Variants in SORCS1 observed in about 807,000 individuals in gnomAD.
SORCS1 encodes sortilin related VPS10 domain containing receptor 1.
In SORCS1, 60 loss-of-function variants were observed where a neutral mutation model predicts 146.1. That is an observed-to-expected ratio of 0.41 (90% CI 0.33 to 0.51). The LOEUF is 0.51. SORCS1 is among the 20% of genes least tolerant of loss of function. The pLI is 0.21. For synonymous variants in SORCS1, 637 were observed against 584.0 expected, an observed-to-expected ratio of 1.09 and a Z score of -1.31; for missense variants, 1,352 against 1,487.6, an observed-to-expected ratio of 0.91 and a Z score of 1.50.
At chr10:106,951,079 T>C (rs1230533230) in intron 2 of SORCS1, among the ~76,000 whole-genome samples, 1 of 152,166 alleles carries the variant, frequency 6.6e-6, no homozygotes, top group African/African-American at 2.4e-5. Context: ...CTATTTACAT[T>C]ATATCTGTCT....
the SORCS1 span, among the ~76,000 whole-genome samples, chr10:107,170,481 G>C: frequency 6.6e-6 from 1 of 152,216 alleles, no homozygotes; most frequent in Non-Finnish European, 1.5e-5. Context: ...GGTTATATTT[G>C]TCCCCTGTAA....
rs1451300438 is a variant in SORCS1 at position 106,953,152 on chromosome 10, T to C, written c.626+3361A>G. Among the ~76,000 whole-genome samples, 3 of 139,318 alleles carry C rather than the reference T, an allele frequency of 2.2e-5. No homozygotes were observed. The East Asian group carries it at 6.6e-4, about 30-fold the overall frequency. 91.4% of individuals were successfully genotyped at this position (139,318 alleles called of 152,430 possible). A position where few individuals can be genotyped will look rare whatever the true frequency, so the allele number is the denominator to read the frequency against. On this transcript the variant is annotated intron_variant, in intron 2 of 25. Transcript: ENST00000263054. ...TGTATCTGTGGGTATAGTGTGTGTG[T>C]GTGTGTGTGTGTGTGTGTGTGTGCA...
intron 9 of SORCS1, among the ~76,000 whole-genome samples, chr10:106,689,957 C>A (rs1465917524): frequency 1.3e-5 from 2 of 152,148 alleles, no homozygotes; most frequent in Non-Finnish European, 2.9e-5. Context: ...TGTTAAACAA[C>A]TAAATGGTAT....
At position 106,919,288 on chromosome 10, in the gene SORCS1, C is replaced by T. The variant is rs140340315; in HGVS notation, c.626+37225G>A. Reference sequence around the variant, plus strand: ...CAATATTAGTGTGAGGTACTTTCACCCAGGTCTTCTGATTTTAAACCATAT... The same window carrying T: ...CAATATTAGTGTGAGGTACTTTCACTCAGGTCTTCTGATTTTAAACCATAT... On this transcript the variant is annotated intron_variant, in intron 2 of 25. Coordinates refer to ENST00000263054, the MANE Select transcript of SORCS1 (RefSeq NM_052918.5). Among the ~76,000 whole-genome samples the T allele has an allele frequency of 3.8e-3, 571 of 152,244 alleles. 2 individuals carry two copies. Among genetic ancestry groups the T allele is most frequent in the African/African-American group, 0.013 (528 of 41,536 alleles).
intron 2 of SORCS1, among the ~76,000 whole-genome samples, chr10:106,919,977 T>A (rs1264253404): frequency 1.3e-5 from 2 of 152,228 alleles, no homozygotes. Flanking sequence ...TTAGTCACTT[T>A]TAAAATGGGT....
At chr10:107,038,461 A>G (rs1300440438) in intron 1 of SORCS1, among the ~76,000 whole-genome samples, 1 of 151,998 alleles carries the variant, frequency 6.6e-6, no homozygotes, top group Non-Finnish European at 1.5e-5. Flanking sequence ...TAATGGGTGC[A>G]GCACACCAAC....
intron 2 of SORCS1, among the ~76,000 whole-genome samples, chr10:106,835,573 T>C (rs1948743217): frequency 1.3e-5 from 2 of 152,212 alleles, no homozygotes; most frequent in African/African-American, 4.8e-5. Flanking sequence ...TCTTGAAGGA[T>C]ATGTGCTAGT....
intron 2 of SORCS1, among the ~76,000 whole-genome samples, chr10:106,939,382 C>A (rs1953916691): frequency 6.7e-6 from 1 of 148,590 alleles, no homozygotes; most frequent in African/African-American, 2.5e-5. Context: ...CTTTCAAACT[C>A]AGATAGTTCA....
At position 106,689,799 on chromosome 10, in the gene SORCS1, A is replaced by G. The variant is rs1245809329; in HGVS notation, c.1414-1461T>C. Among the ~76,000 whole-genome samples the G allele has an allele frequency of 8.5e-5, 13 of 152,274 alleles. 1 individual carries two copies. In the East Asian group the frequency reaches 2.5e-3, roughly 29 times the overall value. On this transcript the variant is annotated intron_variant, in intron 9 of 25. Transcript: ENST00000263054. ...CAACAAATACAGCTTGAATTTGTCA[A>G]TTCTAAGAGGTTGGGTTTCAATCGA...
At chr10:106,961,724 G>A (rs1955232708) in intron 1 of SORCS1, among the ~76,000 whole-genome samples, 1 of 152,178 alleles carries the variant, frequency 6.6e-6, no homozygotes, top group African/African-American at 2.4e-5. Context: ...TGCCATGACA[G>A]TTGAGAAGTT....
intron 24 of SORCS1, among the ~76,000 whole-genome samples, chr10:106,583,413 G>A (rs1845037343): frequency 6.6e-6 from 1 of 152,114 alleles, no homozygotes; most frequent in South Asian, 2.1e-4. Context: ...AAACTCATTT[G>A]ACCACAGACC....
chr10:106,717,366 T>C (rs1338594303), intron 6 of SORCS1, among the ~76,000 whole-genome samples: 3 of 152,254 alleles, frequency 2.0e-5, no homozygotes, highest in Non-Finnish European at 2.9e-5. Flanking sequence ...CTGTCACATG[T>C]ACCAGCTAGA....
chr10:106,983,244 A>G (rs1956316157), intron 1 of SORCS1, among the ~76,000 whole-genome samples: 1 of 143,132 alleles, frequency 7.0e-6, no homozygotes, highest in Non-Finnish European at 1.5e-5. Flanking sequence ...ATATAAATAT[A>G]CATATACATA....
At chr10:106,883,207 C>T (rs1207111468) in intron 2 of SORCS1, among the ~76,000 whole-genome samples, 2 of 152,034 alleles carry the variant, frequency 1.3e-5, no homozygotes, top group Non-Finnish European at 2.9e-5. Context: ...CACGTATGAC[C>T]AACATAAGCA....
intron 5 of SORCS1, among the ~76,000 whole-genome samples, chr10:106,736,968 C>A (rs572074696): frequency 6.6e-6 from 1 of 152,240 alleles, no homozygotes; most frequent in East Asian, 1.9e-4. Context: ...CCTCCACGTG[C>A]TGCATTTTGT....
intron 2 of SORCS1, among the ~76,000 whole-genome samples, chr10:106,918,645 T>C (rs958093073): frequency 6.6e-6 from 1 of 151,896 alleles, no homozygotes; most frequent in Non-Finnish European, 1.5e-5. Flanking sequence ...GGGCAGGGAA[T>C]ATTCAGTGGT....
At chr10:107,045,998 G>A (rs1157642396) in intron 1 of SORCS1, among the ~76,000 whole-genome samples, 2 of 151,812 alleles carry the variant, frequency 1.3e-5, no homozygotes, top group East Asian at 1.9e-4. Context: ...TCAGGCTGGA[G>A]TGCAGTGGTG....
chr10:106,754,297 T>C (rs1229739299), intron 5 of SORCS1, among the ~76,000 whole-genome samples: 1 of 152,186 alleles, frequency 6.6e-6, no homozygotes, highest in Admixed American at 6.5e-5. Flanking sequence ...AAAGAGATAT[T>C]TTGCCCAAGT....
chr10:107,022,243 C>T (rs190950768), intron 1 of SORCS1, among the ~76,000 whole-genome samples: 43 of 152,198 alleles, frequency 2.8e-4, no homozygotes, highest in South Asian at 2.1e-4. Context: ...TTCCAAAGAA[C>T]TCTGGTGAAG....
Sources: gnomAD v4.1 joint callset for allele counts (sites outside exome capture counted in the v4.1 genomes callset) on GRCh38, gnomAD v4.1.1 for gene constraint, MANE v1.5 for transcripts, NCBI Gene and HGNC (gene_info 2026-07-23, HGNC 2026-07-21) for gene names.